Variants in PPP2R2A observed in about 807,000 individuals in gnomAD.
The protein encoded by PPP2R2A is protein phosphatase 2 regulatory subunit Balpha, also known as serine/threonine-protein phosphatase 2A 55 kDa regulatory subunit B alpha isoform.
In PPP2R2A, 9 loss-of-function variants were observed where a neutral mutation model predicts 53.2. The ratio of observed to expected loss-of-function variants is 0.17; its 90% CI spans 0.10 to 0.30. The LOEUF (loss-of-function observed/expected upper bound fraction) is 0.30, where lower values mean the gene tolerates loss of function less well. PPP2R2A is among the 10% of genes least tolerant of loss of function. The probability of loss-of-function intolerance (pLI) is 1.00; values close to 1 mark genes in which losing one functional copy is unlikely to be tolerated. For missense variants in PPP2R2A, 235 were observed against 534.6 expected (o/e 0.44, Z 5.53); for synonymous variants, 169 against 174.2 (o/e 0.97, Z 0.23).
At chr8:26,294,317 C>G (rs1260598127) in intron 2 of PPP2R2A, among the ~76,000 whole-genome samples, 1 of 152,138 alleles carries the variant, frequency 6.6e-6, no homozygotes, top group South Asian at 2.1e-4. Context: ...ATGCATATAT[C>G]GCTTGTCTTT....
In PPP2R2A at chr8:26,362,030, TAA is replaced by T. The variant is rs1257814907; in HGVS notation, c.638-653_638-652del. On this transcript the variant is annotated intron_variant, in intron 6 of 9. Transcript: ENST00000380737. This position sits in a 1 kb window ranked among gnomAD's most constrained non-coding sequence, Gnocchi z 4.4. ...TATTAAGATTAGATTAAGATTAGAT[TAA>T]GATTAATCTTAAGATTAGATTAAGA... Among the ~76,000 whole-genome samples the T allele has an allele frequency of 7.1e-6, 1 of 140,912 alleles. No homozygotes were observed. The highest frequency in any genetic ancestry group is 2.0e-4 in the East Asian group (1 of 4,980). 92.4% of individuals were successfully genotyped at this position (140,912 alleles called of 152,430 possible). A position where few individuals can be genotyped will look rare whatever the true frequency, so the allele number is the denominator to read the frequency against.
intron 4 of PPP2R2A, among the ~76,000 whole-genome samples, chr8:26,355,868 CA>C (rs35574078): frequency 0.72 from 93,568 of 130,348 alleles, 32,102 homozygotes; most frequent in East Asian, 0.86. Context: ...AGACTCGTCT[CA>C]AAAAAAAAAA....
intron 2 of PPP2R2A, among the ~76,000 whole-genome samples, chr8:26,302,743 GA>G (rs1801844554): frequency 6.6e-6 from 1 of 152,182 alleles, no homozygotes; most frequent in Admixed American, 6.5e-5. Flanking sequence ...AAGCAATTAA[GA>G]GAATCTTCAT....
rs766060423 is a variant in PPP2R2A, at chr8:26,360,325, A to G, written c.459+44A>G. The G allele has an allele frequency of 2.5e-6, 3 of 1,191,808 alleles. No individual in the cohort carries two copies. Among genetic ancestry groups the G allele is most frequent in the Non-Finnish European group, 3.7e-6 (3 of 817,378 alleles). 73.8% of individuals were successfully genotyped at this position (1,191,808 alleles called of 1,614,324 possible). A position where few individuals can be genotyped will look rare whatever the true frequency, so the allele number is the denominator to read the frequency against. ...AATGTCACAGATAGTGCTTGTATTC[A>G]TATTATATAGCCCAAATCCTGAGCA... is the stretch of plus-strand genomic sequence containing the variant. On this transcript the variant is annotated intron_variant, in intron 5 of 9. Transcript: ENST00000380737. This position sits in a 1 kb window ranked among gnomAD's most constrained non-coding sequence, Gnocchi z 4.5.
intron 2 of PPP2R2A, among the ~76,000 whole-genome samples, chr8:26,336,336 G>A (rs1803657563): frequency 6.6e-6 from 1 of 152,068 alleles, no homozygotes; most frequent in Non-Finnish European, 1.5e-5. Context: ...AGCTGATATG[G>A]GAAGATTGCT....
At chr8:26,336,339 A>C (rs903710819) in intron 2 of PPP2R2A, among the ~76,000 whole-genome samples, 62 of 152,190 alleles carry the variant, frequency 4.1e-4, no homozygotes, top group African/African-American at 1.5e-3. Flanking sequence ...TGATATGGGA[A>C]GATTGCTTGA....
rs1315740455 is a variant in PPP2R2A, at chr8:26,293,440, G to T, written c.8-226G>T. 8 of 713,350 alleles carry T rather than the reference G, an allele frequency of 1.1e-5. No homozygotes were observed. In the Admixed American group the frequency reaches 1.8e-4, roughly 16 times the overall value. 44.2% of individuals were successfully genotyped at this position (713,350 alleles called of 1,614,324 possible). A position where few individuals can be genotyped will look rare whatever the true frequency, so the allele number is the denominator to read the frequency against. On this transcript the variant is annotated intron_variant, in intron 1 of 9. Transcript: ENST00000380737. ...TGTGAACAGATGTTTAATGACCACA[G>T]AACATGTGCCTTTAAATATTTCGTA...
intron 3 of PPP2R2A, among the ~76,000 whole-genome samples, chr8:26,351,628 AG>A (rs1344876320): frequency 3.9e-5 from 6 of 152,260 alleles, no homozygotes; most frequent in African/African-American, 1.4e-4. Flanking sequence ...GGTTTTGGGA[AG>A]GGGTCGAGCT....
At chr8:26,315,844 G>A (rs987761442) in intron 2 of PPP2R2A, among the ~76,000 whole-genome samples, 8 of 152,106 alleles carry the variant, frequency 5.3e-5, no homozygotes, top group East Asian at 1.9e-4. Flanking sequence ...AGATAAATGC[G>A]TGTTTTACAT....
At chr8:26,340,846 A>G (rs547111799) in intron 3 of PPP2R2A, among the ~76,000 whole-genome samples, 1 of 152,262 alleles carries the variant, frequency 6.6e-6, no homozygotes, top group South Asian at 2.1e-4. Flanking sequence ...TCCAAATTTA[A>G]TAGTTACTGA....
At chr8:26,334,203 T>G (rs1803533788) in intron 2 of PPP2R2A, among the ~76,000 whole-genome samples, 1 of 152,202 alleles carries the variant, frequency 6.6e-6, no homozygotes, top group Non-Finnish European at 1.5e-5. Context: ...CATTTTTCAT[T>G]GTAAAATAAC....
chr8:26,325,299 A>G (rs1468015858), intron 2 of PPP2R2A, among the ~76,000 whole-genome samples: 1 of 151,962 alleles, frequency 6.6e-6, no homozygotes, highest in South Asian at 2.1e-4. Flanking sequence ...AGTAAGTCTC[A>G]TGAGATTTGA....
chr8:26,334,060 G>T (rs1190162144), intron 2 of PPP2R2A, among the ~76,000 whole-genome samples: 1 of 151,398 alleles, frequency 6.6e-6, no homozygotes, highest in Non-Finnish European at 1.5e-5. Context: ...CCTTTATATC[G>T]CACAATTTGG....
chr8:26,314,228 G>A (rs1378814040), intron 2 of PPP2R2A, among the ~76,000 whole-genome samples: 1 of 152,130 alleles, frequency 6.6e-6, no homozygotes, highest in African/African-American at 2.4e-5. Context: ...CAAATCCTCT[G>A]CAGAGACTGA....
intron 2 of PPP2R2A, among the ~76,000 whole-genome samples, chr8:26,316,342 A>G (rs767198927): frequency 6.6e-6 from 1 of 152,110 alleles, no homozygotes; most frequent in Non-Finnish European, 1.5e-5. Flanking sequence ...TCTTTCTTCA[A>G]TTAATAGCAA....
At chr8:26,369,083 G>A (rs1174826919) in intron 9 of PPP2R2A, among the ~76,000 whole-genome samples, 3 of 150,584 alleles carry the variant, frequency 2.0e-5, no homozygotes, top group African/African-American at 7.3e-5. Context: ...ACTCCAGCCT[G>A]GGCAACAGAG....
chr8:26,325,484 C>T (rs913636152), intron 2 of PPP2R2A, among the ~76,000 whole-genome samples: 1 of 152,066 alleles, frequency 6.6e-6, no homozygotes, highest in Non-Finnish European at 1.5e-5. Flanking sequence ...TTATCAGCGG[C>T]GTGAAAACGG....
At chr8:26,341,504 A>G (rs942071602) in intron 3 of PPP2R2A, among the ~76,000 whole-genome samples, 2 of 152,252 alleles carry the variant, frequency 1.3e-5, no homozygotes, top group African/African-American at 2.4e-5. Context: ...TTGAAAAGTG[A>G]AAGAAATAGT....
intron 8 of PPP2R2A, among the ~76,000 whole-genome samples, chr8:26,364,459 C>T (rs1413723509): frequency 2.0e-5 from 3 of 152,144 alleles, no homozygotes; most frequent in Non-Finnish European, 4.4e-5. Flanking sequence ...ACTGTTTATC[C>T]GTGTCCACTA....
Sources: allele counts gnomAD v4.1 joint callset (sites outside exome capture counted in the v4.1 genomes callset), GRCh38; gene constraint gnomAD v4.1.1; non-coding constraint Gnocchi (gnomAD v3.1); transcripts MANE v1.5; gene names NCBI Gene and HGNC (gene_info 2026-07-23, HGNC 2026-07-21).